Variants in DLGAP2 observed in about 807,000 individuals in gnomAD.
The protein encoded by DLGAP2 is DLG associated protein 2.
DLGAP2 carries 26 observed loss-of-function variants against 100.3 expected under a neutral mutation model. That is an observed-to-expected ratio of 0.26 (90% CI 0.19 to 0.36). The LOEUF is 0.36. Ranked by LOEUF, DLGAP2 falls within the 10% of genes least tolerant of loss-of-function variation. The pLI is 1.00. For synonymous variants in DLGAP2, 886 were observed against 630.1 expected (o/e 1.41, Z -6.08); for missense variants, 1,858 against 1,453.2 (o/e 1.28, Z -4.53).
chr8:1,348,657 TG>T (rs1453958185), intron 3 of DLGAP2, among the ~76,000 whole-genome samples: 2 of 152,210 alleles, frequency 1.3e-5, no homozygotes, highest in Non-Finnish European at 2.9e-5. Flanking sequence ...ATTGCTCTCA[TG>T]GTGGCTGTGT....
chr8:1,079,157 G>A (rs1318743315), intron 2 of DLGAP2, among the ~76,000 whole-genome samples: 1 of 152,158 alleles, frequency 6.6e-6, no homozygotes, highest in African/African-American at 2.4e-5. Flanking sequence ...GAAGTGGTGT[G>A]GAGTGTCTTT....
intron 2 of DLGAP2, among the ~76,000 whole-genome samples, chr8:1,027,274 G>A (rs959399790): frequency 2.0e-5 from 3 of 152,238 alleles, no homozygotes; most frequent in Admixed American, 6.5e-5. Flanking sequence ...TTACACGCCC[G>A]TGGTGCTGCA....
chr8:1,110,995 G>A (rs1328951994), intron 2 of DLGAP2, among the ~76,000 whole-genome samples: 4 of 152,068 alleles, frequency 2.6e-5, no homozygotes, highest in East Asian at 1.9e-4. Flanking sequence ...AAGGTCACAC[G>A]TGGGTTTGAG....
At chr8:965,845 C>T (rs543576509) in intron 2 of DLGAP2, among the ~76,000 whole-genome samples, 64 of 146,932 alleles carry the variant, frequency 4.4e-4, no homozygotes, top group South Asian at 1.1e-3. Flanking sequence ...TCATCACACA[C>T]GCGGCTCCAG....
At chr8:1,339,126 CA>C (rs1442513966) in intron 3 of DLGAP2, among the ~76,000 whole-genome samples, 1 of 150,642 alleles carries the variant, frequency 6.6e-6, no homozygotes, top group East Asian at 2.0e-4. Context: ...GGAGGGAATG[CA>C]GTGACCTCAG....
chr8:1,464,399 A>T (rs1270140956), intron 3 of DLGAP2, among the ~76,000 whole-genome samples: 3 of 32,938 alleles, frequency 9.1e-5, no homozygotes, highest in Admixed American at 3.6e-4. Context: ...CCGGAATGGC[A>T]TCCTTCCAGG....
intron 1 of DLGAP2, among the ~76,000 whole-genome samples, chr8:829,328 C>T (rs1796739534): frequency 2.0e-5 from 3 of 152,178 alleles, no homozygotes; most frequent in South Asian, 2.1e-4. Flanking sequence ...AAGTTTGTTC[C>T]ACCTGTCCCA....
chr8:1,260,867 C>T (rs540681468), intron 3 of DLGAP2, among the ~76,000 whole-genome samples: 1 of 152,202 alleles, frequency 6.6e-6, no homozygotes. Flanking sequence ...GCTCTCCAGC[C>T]TTAGGTCTGT....
intron 2 of DLGAP2, among the ~76,000 whole-genome samples, chr8:951,748 G>T (rs1478963073): frequency 6.6e-6 from 1 of 152,196 alleles, no homozygotes; most frequent in Non-Finnish European, 1.5e-5. Context: ...CTCACCTGGG[G>T]CGTCATGCAT....
chr8:1,408,150 C>G (rs1324743645), intron 3 of DLGAP2, among the ~76,000 whole-genome samples: 1 of 152,276 alleles, frequency 6.6e-6, no homozygotes, highest in East Asian at 1.9e-4. Context: ...CTCACTCTTT[C>G]TTTCCAGCAT....
intron 1 of DLGAP2, among the ~76,000 whole-genome samples, chr8:884,656 T>G (rs1797886952): frequency 1.3e-5 from 2 of 152,240 alleles, no homozygotes; most frequent in Non-Finnish European, 1.5e-5. Context: ...TTTGCCAATT[T>G]TGGCTTTTAT....
intron 8 of DLGAP2, among the ~76,000 whole-genome samples, chr8:1,634,352 C>G (rs905885369): frequency 1.1e-4 from 17 of 152,360 alleles, no homozygotes; most frequent in African/African-American, 3.4e-4. Context: ...TCCTGGCTCT[C>G]TGGCTCCCAG....
Position 980,285 on chromosome 8 carries a change from A to G in DLGAP2, c.73+72319A>G, listed in dbSNP as rs141933034. ...GAAGGTGCAGGGCCCACCGTGTGGA[A>G]TGGTGGAATCCTACATTTTGGTTAA... On this transcript the variant is annotated intron_variant, in intron 2 of 14. Transcript: ENST00000637795. Among the ~76,000 whole-genome samples the G allele has an allele frequency of 2.1e-3, 319 of 152,328 alleles. 2 individuals carry two copies. The highest frequency in any genetic ancestry group is 3.4e-3 in the Middle Eastern group (1 of 294).
In DLGAP2 at chr8:1,582,977, C is replaced by A. The variant is rs534514615; in HGVS notation, c.1442+17083C>A. On this transcript the variant is annotated intron_variant, in intron 6 of 14. Transcript: ENST00000637795. ...TGGTGGCTGCATGACCGTGCATTTG[C>A]GGAAATTCTTACAGCCATGCAGAAA... 2.0e-3 allele frequency among the ~76,000 whole-genome samples: 309 copies of A among 152,220 alleles called. 2 individuals carry two copies. The highest frequency in any genetic ancestry group is 6.9e-3 in the African/African-American group (288 of 41,544).
chr8:1,308,314 G>A (rs6558443), intron 3 of DLGAP2, among the ~76,000 whole-genome samples: 97,354 of 152,044 alleles, frequency 0.64, 31,743 homozygotes, highest in African/African-American at 0.76. Context: ...GACTGCACAC[G>A]GCAAATAATA....
chr8:1,111,953 C>T (rs1804970994), intron 2 of DLGAP2, among the ~76,000 whole-genome samples: 1 of 152,068 alleles, frequency 6.6e-6, no homozygotes, highest in South Asian at 2.1e-4. Context: ...AATGGCAGTT[C>T]TGCTTGTAAC....
chr8:1,148,979 G>T (rs961257964), intron 2 of DLGAP2, among the ~76,000 whole-genome samples: 2 of 151,990 alleles, frequency 1.3e-5, no homozygotes, highest in African/African-American at 4.8e-5. Context: ...TATATTTTCG[G>T]ATTAATTTAT....
intron 5 of DLGAP2, among the ~76,000 whole-genome samples, chr8:1,562,038 T>G (rs1584929297): frequency 3.7e-5 from 1 of 26,738 alleles, no homozygotes; most frequent in Non-Finnish European, 7.1e-5. Context: ...TGGTGTTGGG[T>G]GTCCGCGCCT....
chr8:862,382 G>C (rs187160829), intron 1 of DLGAP2, among the ~76,000 whole-genome samples: 3 of 151,046 alleles, frequency 2.0e-5, no homozygotes, highest in Non-Finnish European at 4.4e-5. Context: ...AGCTCACTGC[G>C]GCCTCCGCCT....
Sources: allele counts gnomAD v4.1 joint callset (sites outside exome capture counted in the v4.1 genomes callset), GRCh38; gene constraint gnomAD v4.1.1; transcripts MANE v1.5; gene names NCBI Gene and HGNC (gene_info 2026-07-23, HGNC 2026-07-21).